The following CTH variants were observed in gnomAD, a reference collection of about 807,000 sequenced individuals.
The protein encoded by CTH is cystathionine gamma-lyase, also known as cystathionase (cystathionine gamma-lyase).
A neutral mutation model predicts 50.6 loss-of-function variants in CTH; 41 were observed. That is an observed-to-expected ratio of 0.81 (90% CI 0.63 to 1.05). The LOEUF (loss-of-function observed/expected upper bound fraction) is 1.05, where lower values mean the gene tolerates loss of function less well. Among genes scored for constraint, CTH ranks in the 50% least tolerant of loss-of-function variants. The probability of loss-of-function intolerance (pLI) is 0.00; values close to 1 mark genes in which losing one functional copy is unlikely to be tolerated. For synonymous variants in CTH, 156 were observed against 168.9 expected (o/e 0.92, Z 0.59); for missense variants, 470 against 492.6 (o/e 0.95, Z 0.43).
At chr1:70,429,643 A>G in intron 5 of CTH, 151 bp from the exon 6 acceptor site, 1 of 638,962 alleles carries the variant, frequency 1.6e-6, no homozygotes, top group African/African-American at 1.8e-5. Flanking sequence ...GAGAAATAAT[A>G]TCAGAGATCC....
chr1:70,420,020 G>T (rs377328823), intron 3 of CTH, among the ~76,000 whole-genome samples: 12 of 148,184 alleles, frequency 8.1e-5, no homozygotes, highest in African/African-American at 3.0e-4. Context: ...TTGAGGTGGA[G>T]TCTTGCTCTG....
At chr1:70,420,327 G>T (rs1364382758) in intron 3 of CTH, among the ~76,000 whole-genome samples, 1 of 152,110 alleles carries the variant, frequency 6.6e-6, no homozygotes, top group Non-Finnish European at 1.5e-5. Flanking sequence ...AATTTTTCCA[G>T]GGACAGGGGG....
intron 5 of CTH, among the ~76,000 whole-genome samples, chr1:70,424,853 C>T (rs906564709): frequency 5.3e-5 from 8 of 151,830 alleles, no homozygotes; most frequent in African/African-American, 1.7e-4. Flanking sequence ...GGCATGAACC[C>T]GGGAGGCGGA....
intron 3 of CTH, among the ~76,000 whole-genome samples, chr1:70,421,268 T>C (rs535215645): frequency 2.0e-5 from 3 of 152,328 alleles, no homozygotes; most frequent in East Asian, 3.9e-4. Flanking sequence ...AAAGATATGA[T>C]GTTTCAGGAA....
chr1:70,424,594 CA>C (rs1684305729), intron 5 of CTH, among the ~76,000 whole-genome samples, 178 bp downstream of exon 5: 1 of 152,170 alleles, frequency 6.6e-6, no homozygotes, highest in South Asian at 2.1e-4. Context: ...AATATCTTTT[CA>C]AACCTATGTT....
intron 1 of CTH, among the ~76,000 whole-genome samples, chr1:70,414,278 C>G (rs1684040086): frequency 6.6e-6 from 1 of 151,840 alleles, no homozygotes; most frequent in Non-Finnish European, 1.5e-5. Context: ...CTTTCGGAGG[C>G]TGAGGCGGGT....
intron 5 of CTH, among the ~76,000 whole-genome samples, chr1:70,425,150 C>G (rs1370604231): frequency 1.3e-5 from 2 of 152,022 alleles, no homozygotes; most frequent in Non-Finnish European, 2.9e-5. Context: ...CATATTATTT[C>G]TCTTCTTCTA....
intron 3 of CTH, among the ~76,000 whole-genome samples, chr1:70,419,176 AG>A (rs1684159964): frequency 3.9e-5 from 6 of 152,070 alleles, no homozygotes; most frequent in Admixed American, 2.6e-4. Context: ...ATGGCTGCAT[AG>A]TATTCCATGT....
At chr1:70,414,620 TTGTTA>T (rs1684047736) in intron 1 of CTH, among the ~76,000 whole-genome samples, 1 of 152,178 alleles carries the variant, frequency 6.6e-6, no homozygotes, top group Non-Finnish European at 1.5e-5. Context: ...TGGTTGTGTT[TTGTTA>T]TGTTATGTGA....
intron 3 of CTH, among the ~76,000 whole-genome samples, chr1:70,420,436 A>G (rs1288136156): frequency 6.6e-6 from 1 of 152,162 alleles, no homozygotes; most frequent in Non-Finnish European, 1.5e-5. Flanking sequence ...TTAGATTCTC[A>G]TAAGGAGTGC....
chr1:70,435,871 A>G (rs1684586617), intron 10 of CTH, among the ~76,000 whole-genome samples: 1 of 152,040 alleles, frequency 6.6e-6, no homozygotes, highest in Non-Finnish European at 1.5e-5. Flanking sequence ...CAAGTGTCAC[A>G]CAGGAACGTG....
intron 3 of CTH, among the ~76,000 whole-genome samples, chr1:70,419,923 G>A (rs1684176283): frequency 6.6e-6 from 1 of 151,206 alleles, no homozygotes. Context: ...TTTCCTATCT[G>A]AACAAAAAGT....
At chr1:70,416,621 T>A (rs1334825486) in intron 2 of CTH, among the ~76,000 whole-genome samples, 1 of 149,142 alleles carries the variant, frequency 6.7e-6, no homozygotes, top group Non-Finnish European at 1.5e-5. Flanking sequence ...TGGAGTGCAA[T>A]GGCAGGATCT....
intron 1 of CTH, among the ~76,000 whole-genome samples, chr1:70,413,739 CTTTT>C (rs765540452): frequency 6.8e-5 from 8 of 118,196 alleles, no homozygotes; most frequent in Admixed American, 9.2e-5. Flanking sequence ...TGCTTAATAT[CTTTT>C]TTTTTTTTTT....
In CTH at chr1:70,411,656, T is replaced by C; in HGVS notation, c.168+73T>C. 5 of 1,557,346 alleles carry C rather than the reference T, an allele frequency of 3.2e-6. No homozygotes were observed. In the East Asian group the frequency reaches 1.1e-4, roughly 35 times the overall value. ...ATACGGCTTATGAATTTGAAAGGCATGTAAGTAATTTATAATATGACTTAT... is the reference window on the plus strand; with the variant it reads ...ATACGGCTTATGAATTTGAAAGGCACGTAAGTAATTTATAATATGACTTAT... On this transcript the variant is annotated intron_variant, in intron 1 of 11. Coordinates refer to ENST00000370938, the MANE Select transcript of CTH (RefSeq NM_001902.6).
rs1238158888 is a variant in CTH at position 70,432,191 on chromosome 1, A to G, written c.833A>G (p.Gln278Arg). ...KHFKNGMAVAQFLESNPWVEK... is the reference protein window; with the variant it reads ...KHFKNGMAVARFLESNPWVEK... ...TTCAAAAACGGAATGGCAGTTGCCCAGTTCCTGGAATCTAATCCTTGGGTA... is the reference window on the plus strand; with the variant it reads ...TTCAAAAACGGAATGGCAGTTGCCCGGTTCCTGGAATCTAATCCTTGGGTA... Residue 278 changes from glutamine (Q) to arginine (R), a missense_variant, in exon 8 of 12, where the codon CAG becomes CGG. Gln to Arg is a conservative substitution (Grantham distance 43). Coordinates refer to ENST00000370938, the MANE Select transcript of CTH (RefSeq NM_001902.6). 4.3e-6 allele frequency: 7 copies of G among 1,614,228 alleles called. No individual in the cohort carries two copies. The highest frequency in any genetic ancestry group is 5.9e-6 in the Non-Finnish European group (7 of 1,180,026).
intron 1 of CTH, among the ~76,000 whole-genome samples, chr1:70,415,486 C>T (rs996774210): frequency 1.3e-5 from 2 of 152,082 alleles, no homozygotes; most frequent in South Asian, 2.1e-4. Flanking sequence ...TCTGTTGGCT[C>T]ATGCAAGTCC....
intron 1 of CTH, among the ~76,000 whole-genome samples, chr1:70,413,454 C>T (rs1420702778): frequency 3.3e-5 from 5 of 151,674 alleles, no homozygotes; most frequent in South Asian, 2.1e-4. Flanking sequence ...TTAGTAGAGA[C>T]GGGGTTTCAC....
chr1:70,432,684 T>C lies in CTH; in HGVS notation c.877+449T>C, dbSNP rs1323792894. ...TTCCCCTGAGGTTCTCTCTCTCTCT[T>C]TTTTTTTTTTTTTTTTTTTGAGACG... On this transcript the variant is annotated intron_variant, in intron 8 of 11. Coordinates refer to ENST00000370938, the MANE Select transcript of CTH (RefSeq NM_001902.6). Among the ~76,000 whole-genome samples, 8 of 4,624 alleles carry C rather than the reference T, an allele frequency of 1.7e-3. No individual in the cohort carries two copies. In the East Asian group the frequency reaches 0.048, roughly 28 times the overall value. 3.0% of individuals were successfully genotyped at this position (4,624 alleles called of 152,430 possible).
Sources: gnomAD v4.1 joint callset for allele counts (sites outside exome capture counted in the v4.1 genomes callset) on GRCh38, gnomAD v4.1.1 for gene constraint, MANE v1.5 for transcripts, NCBI Gene and HGNC (gene_info 2026-07-23, HGNC 2026-07-21) for gene names.